The following GPATCH3 variants were observed in gnomAD, a reference collection of about 807,000 sequenced individuals.
The protein encoded by GPATCH3 is G patch domain-containing protein 3.
A neutral mutation model predicts 53.2 loss-of-function variants in GPATCH3; 45 were observed. That is an observed-to-expected ratio of 0.85 (90% CI 0.67 to 1.08). The LOEUF (loss-of-function observed/expected upper bound fraction) is 1.08, where lower values mean the gene tolerates loss of function less well. Among genes scored for constraint, GPATCH3 ranks in the 50% least tolerant of loss-of-function variants. The pLI is 0.00. For missense variants in GPATCH3, 680 were observed against 687.2 expected, an observed-to-expected ratio of 0.99 and a Z score of 0.12; for synonymous variants, 280 against 270.6, an observed-to-expected ratio of 1.03 and a Z score of -0.34.
In GPATCH3 at chr1:26,900,372, A is replaced by C. The variant is rs1557662262; in HGVS notation, c.71T>G (p.Leu24Trp). The change falls in exon 1 of 7, where the codon TTG becomes TGG. Residue 24 changes from leucine to tryptophan, a missense_variant. By Grantham distance (61) the Leu-to-Trp change is moderately conservative. Transcript: ENST00000361720. ...YLVVSGIPSV[L>W]RSAHLRSYFS... ...ATAGCTCCGTAAATGGGCCGAGCGC[A>C]ACACGGAGGGGATACCGCTCACTAC... The C allele has an allele frequency of 1.2e-6, 2 of 1,614,050 alleles. No individual in the cohort carries two copies. The highest frequency in any genetic ancestry group is 2.2e-5 in the South Asian group (2 of 91,072).
chr1:26,896,537 A>AAT (rs1380614681), intron 2 of GPATCH3, among the ~76,000 whole-genome samples: 50 of 147,736 alleles, frequency 3.4e-4, no homozygotes, highest in East Asian at 3.3e-3. Flanking sequence ...TAAAAATAAA[A>AAT]AAAAAAAAAA....
intron 1 of GPATCH3, 76 bp from the exon 2 acceptor site, chr1:26,897,801 T>A: frequency 1.6e-6 from 2 of 1,214,994 alleles, no homozygotes; most frequent in Non-Finnish European, 2.3e-6. Context: ...GGCCAATGTT[T>A]AAATCTGTTA....
Position 26,890,707 on chromosome 1 carries a change from G to GA in GPATCH3, c.*302dup. ...CAGAGTCCCCAAGGAAGGCTGTGCT[G>GA]ATAGCCTCACTCAACCCAGCTTTTC... On this transcript the variant is annotated 3_prime_UTR_variant, in exon 7 of 7. Transcript: ENST00000361720. 1.8e-6 allele frequency: 1 copy of GA among 556,580 alleles called. No homozygotes were observed. The allele number at this position is 556,580 out of a possible 1,614,324, so 34.5% of individuals were successfully genotyped here.
chr1:26,892,816 G>A, intron 4 of GPATCH3, 25 bp from the exon 5 acceptor site: 1 of 1,608,796 alleles, frequency 6.2e-7, no homozygotes, highest in African/African-American at 1.3e-5. Flanking sequence ...CTCAGTTTAT[G>A]GAAGCGTCCC....
chr1:26,894,056 C>G (rs1026970921), intron 3 of GPATCH3, among the ~76,000 whole-genome samples, 180 bp downstream of exon 3: 1 of 152,102 alleles, frequency 6.6e-6, no homozygotes, highest in Non-Finnish European at 1.5e-5. Flanking sequence ...GGCATTTTCT[C>G]TCCATCTCAC....
chr1:26,891,312 A>G (rs1304734505), intron 6 of GPATCH3, 86 bp from the exon 7 acceptor site: 10 of 1,012,678 alleles, frequency 9.9e-6, no homozygotes, highest in African/African-American at 1.6e-5. Flanking sequence ...TAGTTACTAC[A>G]TATCTGGTTT....
Position 26,897,358 on chromosome 1 carries a change from A to T in GPATCH3, c.819T>A (p.Cys273Ter). ...TCCCCACTTCTTCCTCAGGCTCTCCACAGGGGCTGGCTGGTATATCTGCCA... is the reference window on the plus strand; with the variant it reads ...TCCCCACTTCTTCCTCAGGCTCTCCTCAGGGGCTGGCTGGTATATCTGCCA... ...TYLADIPASP[C>*]GEPEEEVGKE... The change falls in exon 2 of 7, where the codon TGT (cysteine) becomes TGA (stop). Residue 273 changes from cysteine (C) to a stop codon, truncating the protein, a stop_gained. Coordinates refer to ENST00000361720, the MANE Select transcript of GPATCH3 (RefSeq NM_022078.3). LOFTEE classifies it high-confidence loss of function. The T allele has an allele frequency of 6.2e-7, 1 of 1,614,132 alleles. No homozygotes were observed. The highest frequency in any genetic ancestry group is 8.5e-7 in the Non-Finnish European group (1 of 1,180,032).
rs374168070 is a variant in GPATCH3 at position 26,897,440 on chromosome 1, T to C, written c.737A>G (p.Glu246Gly). ...PFEYEDSETV[E>G]QEELVYTAEG... ...TGCTGTATACACAAGCTCTTCCTGC[T>C]CCACAGTCTCTGAGTCCTCATACTC... The change falls in exon 2 of 7, where the codon GAG (glutamate) becomes GGG (glycine). Residue 246 changes from glutamate (E) to glycine (G), a missense_variant. Physicochemically the swap from Glu to Gly is moderately conservative, Grantham distance 98. Coordinates refer to ENST00000361720, the MANE Select transcript of GPATCH3 (RefSeq NM_022078.3). The C allele has an allele frequency of 8.1e-6, 13 of 1,614,068 alleles. No homozygotes were observed. The highest frequency in any genetic ancestry group is 9.3e-6 in the Non-Finnish European group (11 of 1,180,048).
chr1:26,890,989 GA>G lies in GPATCH3; in HGVS notation c.*20del, dbSNP rs764412020. On this transcript the variant is annotated 3_prime_UTR_variant, in exon 7 of 7. Transcript: ENST00000361720. The stretch of plus-strand genomic sequence containing the variant: ...CAGAGGGTTTTCATCATGTAGCTAT[GA>G]AAGGAAGCCCCCAACCCGGTCAGTC... 6.2e-7 allele frequency: 1 copy of G among 1,606,224 alleles called. No homozygotes were observed. The highest frequency in any genetic ancestry group is 1.1e-5 in the South Asian group (1 of 90,854).
chr1:26,892,912 A>G (rs1275893125), intron 4 of GPATCH3, 121 bp from the exon 5 acceptor site: 4 of 1,246,982 alleles, frequency 3.2e-6, no homozygotes, highest in African/African-American at 3.0e-5. Context: ...TATCTCTCTC[A>G]TTAGACTGGG....
In GPATCH3 at chr1:26,891,155, G is replaced by C; in HGVS notation, c.1433C>G (p.Ser478Cys). The C allele has an allele frequency of 6.2e-7, 1 of 1,614,018 alleles. No individual in the cohort carries two copies. The highest frequency in any genetic ancestry group is 8.5e-7 in the Non-Finnish European group (1 of 1,179,970). ...RPRRNGLGLI[S>C]TIYDEPLPQD... ...GGGTAGAGGCTCATCATAGATGGTG[G>C]AGATGAGCCCCAAGCCATTTCTACG... Residue 478 changes from serine to cysteine, a missense_variant, in exon 7 of 7, where the codon TCC becomes TGC. Transcript: ENST00000361720.
Position 26,900,117 on chromosome 1 carries a change from C to T in GPATCH3, c.326G>A (p.Arg109Lys), listed in dbSNP as rs376373594. 4 of 1,614,200 alleles carry T rather than the reference C, an allele frequency of 2.5e-6. No homozygotes were observed. The highest frequency in any genetic ancestry group is 1.7e-5 in the Admixed American group (1 of 60,020). Residue 109 changes from arginine (R) to lysine (K), a missense_variant, in exon 1 of 7, where the codon AGG (arginine) becomes AAG (lysine). Arg to Lys is a conservative substitution (Grantham distance 26). Coordinates refer to ENST00000361720, the MANE Select transcript of GPATCH3 (RefSeq NM_022078.3). Reference sequence around the variant, plus strand: ...AAGCCTCTGAGCTTGAGCCAACCCCCTTACCGAGATGACGCAGCAGCAGGT... The same window carrying T: ...AAGCCTCTGAGCTTGAGCCAACCCCTTTACCGAGATGACGCAGCAGCAGGT... ...TRTCCCVISV[R>K]GLAQAQRLIR...
intron 5 of GPATCH3, 28 bp downstream of exon 5, chr1:26,892,642 C>A: frequency 6.2e-7 from 1 of 1,612,848 alleles, no homozygotes. Flanking sequence ...AGAGAGGGGT[C>A]CATGGGGTGG....
At chr1:26,897,234 G>A in intron 2 of GPATCH3, 67 bp downstream of exon 2, 7 of 1,450,040 alleles carry the variant, frequency 4.8e-6, no homozygotes, top group Non-Finnish European at 9.5e-7. Flanking sequence ...CAATTGAAGA[G>A]TGGTATTATT....
At chr1:26,896,542 A>T (rs796251748) in intron 2 of GPATCH3, among the ~76,000 whole-genome samples, 84 of 144,804 alleles carry the variant, frequency 5.8e-4, no homozygotes, top group South Asian at 1.1e-3. Flanking sequence ...ATAAAAAAAA[A>T]AAAAAAAATT....
Position 26,900,273 on chromosome 1 carries a change from G to A in GPATCH3, c.170C>T (p.Pro57Leu), listed in dbSNP as rs1018324231. The change falls in exon 1 of 7, where the codon CCT becomes CTT. Residue 57 changes from proline (P) to leucine (L), a missense_variant. By Grantham distance (98) the Pro-to-Leu change is moderately conservative. Transcript: ENST00000361720. The stretch of plus-strand genomic sequence containing the variant: ...GGCAGAGTTAGGAGCGGCCTGCGGA[G>A]GGGCCCGCTCAGGCCGATGCCGGTA... Reference protein sequence around the residue: ...FHYRHRPERAPPQAAPNSALI... With the variant: ...FHYRHRPERALPQAAPNSALI... 6.2e-6 allele frequency: 10 copies of A among 1,614,022 alleles called. No homozygotes were observed. Among genetic ancestry groups the A allele is most frequent in the Non-Finnish European group, 8.5e-6 (10 of 1,180,034 alleles).
chr1:26,899,455 T>G (rs1213551257), intron 1 of GPATCH3, among the ~76,000 whole-genome samples: 2 of 152,204 alleles, frequency 1.3e-5, no homozygotes, highest in Non-Finnish European at 2.9e-5. Context: ...CTTTGTGGAT[T>G]CTGAGCACAC....
In GPATCH3 at chr1:26,890,833, G is replaced by C. The variant is rs780315214; in HGVS notation, c.*177C>G. On this transcript the variant is annotated 3_prime_UTR_variant, in exon 7 of 7. Transcript: ENST00000361720. ...TATCCAAGGGGAGGGGACGGGAGGGGGCTTTTTGTAAAAATGCCCCTGAGG... is the reference window on the plus strand; with the variant it reads ...TATCCAAGGGGAGGGGACGGGAGGGCGCTTTTTGTAAAAATGCCCCTGAGG... The C allele has an allele frequency of 2.6e-6, 2 of 783,248 alleles. No individual in the cohort carries two copies. The highest frequency in any genetic ancestry group is 4.7e-6 in the Non-Finnish European group (2 of 423,320). The allele number at this position is 783,248 out of a possible 1,614,324, so 48.5% of individuals were successfully genotyped here. A position where few individuals can be genotyped will look rare whatever the true frequency, so the allele number is the denominator to read the frequency against.
intron 3 of GPATCH3, 76 bp from the exon 4 acceptor site, chr1:26,893,524 T>G: frequency 9.6e-7 from 1 of 1,045,014 alleles, no homozygotes; most frequent in East Asian, 2.8e-5. Context: ...CTAGAGTTTT[T>G]TTGGCTTTTT....
Sources: allele counts gnomAD v4.1 joint callset (sites outside exome capture counted in the v4.1 genomes callset), GRCh38; gene constraint gnomAD v4.1.1; transcripts MANE v1.5; gene names NCBI Gene and HGNC (gene_info 2026-07-23, HGNC 2026-07-21).